Variants in TMTC2 observed in about 807,000 individuals in gnomAD.
TMTC2 encodes transmembrane O-mannosyltransferase targeting cadherins 2.
TMTC2 carries 43 observed loss-of-function variants against 82.4 expected under a neutral mutation model. The observed-to-expected ratio is 0.52, with a 90% confidence interval of 0.41 to 0.67. The LOEUF (loss-of-function observed/expected upper bound fraction) is 0.67. Ranked by LOEUF, TMTC2 falls within the 30% of genes least tolerant of loss-of-function variation. The pLI is 0.00. For missense variants in TMTC2, 919 were observed against 1,012.4 expected (o/e 0.91, Z 1.25); for synonymous variants, 408 against 381.9 (o/e 1.07, Z -0.80).
chr12:82,930,355 T>G, intron 3 of TMTC2, 76 bp from the exon 4 acceptor site: 1 of 748,114 alleles, frequency 1.3e-6, no homozygotes, highest in Non-Finnish European at 2.2e-6. Flanking sequence ...CCTGTGGTAC[T>G]TCCTGATGGC....
chr12:82,735,592 T>C (rs554367517), intron 1 of TMTC2, among the ~76,000 whole-genome samples: 1 of 151,382 alleles, frequency 6.6e-6, no homozygotes, highest in East Asian at 2.0e-4. Context: ...TGATCCGCCC[T>C]CCTTGGCCTC....
chr12:82,791,628 A>G (rs1423527527), intron 1 of TMTC2, among the ~76,000 whole-genome samples: 1 of 152,172 alleles, frequency 6.6e-6, no homozygotes, highest in African/African-American at 2.4e-5. Context: ...TTTTCTACTT[A>G]AAAACCTCTG....
rs538268493 is a variant in TMTC2, at chr12:82,711,592, T to C, written c.83+23923T>C. Among the ~76,000 whole-genome samples the C allele has an allele frequency of 2.6e-5, 4 of 152,306 alleles. No individual in the cohort carries two copies. In the South Asian group the frequency reaches 8.3e-4, roughly 32 times the overall value. On this transcript the variant is annotated intron_variant, in intron 1 of 11. Coordinates refer to ENST00000321196, the MANE Select transcript of TMTC2 (RefSeq NM_152588.3). ...CTCTTTTAACTCTTAGTCTTTTACC[T>C]AAATATCCTTGATATTTACAGCATA...
chr12:83,026,302 A>T (rs1881173980), intron 8 of TMTC2, among the ~76,000 whole-genome samples: 1 of 152,222 alleles, frequency 6.6e-6, no homozygotes, highest in African/African-American at 2.4e-5. Flanking sequence ...TCAAGAAATT[A>T]CAAGGATTTT....
intron 11 of TMTC2, among the ~76,000 whole-genome samples, chr12:83,082,848 G>A (rs79595618): frequency 0.044 from 6,692 of 152,284 alleles, 187 homozygotes; most frequent in East Asian, 0.12. Context: ...GCATGCCTCA[G>A]TGACGTCCCT....
chr12:83,081,518 A>G (rs1241387802), intron 11 of TMTC2, among the ~76,000 whole-genome samples: 1 of 152,144 alleles, frequency 6.6e-6, no homozygotes, highest in Non-Finnish European at 1.5e-5. Context: ...TGGGAGAATG[A>G]TCTGGATGCA....
At chr12:83,104,247 T>C (rs1168331580) in intron 11 of TMTC2, among the ~76,000 whole-genome samples, 3 of 152,114 alleles carry the variant, frequency 2.0e-5, no homozygotes, top group East Asian at 3.9e-4. Context: ...CATTCTGGGG[T>C]CTAGAGGGCA....
chr12:82,779,270 A>G (rs181510841), intron 1 of TMTC2, among the ~76,000 whole-genome samples: 1 of 152,190 alleles, frequency 6.6e-6, no homozygotes, highest in African/African-American at 2.4e-5. Flanking sequence ...TGGTGAGGGC[A>G]GAGGCTGATG....
intron 1 of TMTC2, among the ~76,000 whole-genome samples, chr12:82,718,169 A>G (rs1450471740): frequency 6.6e-6 from 1 of 152,204 alleles, no homozygotes; most frequent in African/African-American, 2.4e-5. Flanking sequence ...AAATGGATTA[A>G]GGAACACAGA....
intron 4 of TMTC2, among the ~76,000 whole-genome samples, chr12:82,943,636 C>T (rs1028752793): frequency 4.6e-5 from 7 of 152,184 alleles, no homozygotes; most frequent in African/African-American, 1.7e-4. Context: ...ATTCTTATAG[C>T]ACCTATTTCA....
chr12:82,761,565 C>A (rs1322889073), intron 1 of TMTC2, among the ~76,000 whole-genome samples: 1 of 152,216 alleles, frequency 6.6e-6, no homozygotes, highest in Non-Finnish European at 1.5e-5. Context: ...ACAAAACTCA[C>A]ATTTCTCTTA....
At chr12:82,693,377 G>A (rs1872655572) in intron 1 of TMTC2, among the ~76,000 whole-genome samples, 1 of 152,010 alleles carries the variant, frequency 6.6e-6, no homozygotes. Context: ...GTACTTACTG[G>A]TGCTTCATTC....
intron 3 of TMTC2, among the ~76,000 whole-genome samples, chr12:82,912,665 C>T (rs1301522272): frequency 6.6e-6 from 1 of 152,012 alleles, no homozygotes; most frequent in Non-Finnish European, 1.5e-5. Context: ...TGGTTGGGTG[C>T]AGTGGTTCTC....
At chr12:82,803,019 A>G (rs1396314953) in intron 1 of TMTC2, among the ~76,000 whole-genome samples, 1 of 152,180 alleles carries the variant, frequency 6.6e-6, no homozygotes, top group Non-Finnish European at 1.5e-5. Context: ...TGTTATCAAC[A>G]GGACTTAATG....
At chr12:82,984,939 C>T (rs978723331) in intron 7 of TMTC2, among the ~76,000 whole-genome samples, 1 of 151,978 alleles carries the variant, frequency 6.6e-6, no homozygotes, top group Non-Finnish European at 1.5e-5. Flanking sequence ...GCCTCACACT[C>T]ATGTTGTATG....
chr12:82,819,516 T>C (rs1868957559), intron 1 of TMTC2, among the ~76,000 whole-genome samples: 1 of 143,476 alleles, frequency 7.0e-6, no homozygotes, highest in Admixed American at 7.0e-5. Context: ...TTTTTTTTTT[T>C]TTGAGACGGA....
At chr12:82,709,359 G>A (rs1365109731) in intron 1 of TMTC2, among the ~76,000 whole-genome samples, 1 of 152,182 alleles carries the variant, frequency 6.6e-6, no homozygotes, top group Admixed American at 6.5e-5. Flanking sequence ...TAGCTGAAAT[G>A]TTGGTTTGTA....
chr12:82,841,739 G>A (rs1316475889), intron 1 of TMTC2, among the ~76,000 whole-genome samples: 2 of 152,156 alleles, frequency 1.3e-5, no homozygotes, highest in Non-Finnish European at 2.9e-5. Flanking sequence ...AGGGATGCAG[G>A]CAGCAAAGTC....
intron 1 of TMTC2, among the ~76,000 whole-genome samples, chr12:82,694,813 A>G (rs572629244): frequency 6.6e-6 from 1 of 152,190 alleles, no homozygotes; most frequent in African/African-American, 2.4e-5. Flanking sequence ...CACTATAGCC[A>G]TGTGATCATA....
Sources: gnomAD v4.1 joint callset for allele counts (sites outside exome capture counted in the v4.1 genomes callset) on GRCh38, gnomAD v4.1.1 for gene constraint, MANE v1.5 for transcripts, NCBI Gene and HGNC (gene_info 2026-07-23, HGNC 2026-07-21) for gene names.